The following KCNJ6 variants were observed in gnomAD, a reference collection of about 807,000 sequenced individuals.
The protein encoded by KCNJ6 is potassium inwardly rectifying channel subfamily J member 6, also known as G protein-activated inward rectifier potassium channel 2.
KCNJ6 carries 9 observed loss-of-function variants against 34.2 expected under a neutral mutation model. The observed-to-expected ratio is 0.26, with a 90% confidence interval of 0.16 to 0.46. The LOEUF (loss-of-function observed/expected upper bound fraction) is 0.46, where lower values mean the gene tolerates loss of function less well. Ranked by LOEUF, KCNJ6 falls within the 20% of genes least tolerant of loss-of-function variation. KCNJ6 has a pLI of 1.00. For synonymous variants in KCNJ6, 196 were observed against 207.1 expected, an observed-to-expected ratio of 0.95 and a Z score of 0.46; for missense variants, 236 against 531.3, an observed-to-expected ratio of 0.44 and a Z score of 5.46.
At chr21:37,830,627 G>T (rs149144024) in intron 2 of KCNJ6, among the ~76,000 whole-genome samples, 1 of 152,328 alleles carries the variant, frequency 6.6e-6, no homozygotes, top group East Asian at 1.9e-4. Flanking sequence ...CCCAGTGCCA[G>T]AGAGAAGGTG....
intron 3 of KCNJ6, among the ~76,000 whole-genome samples, chr21:37,671,311 C>A (rs2123408169): frequency 6.6e-6 from 1 of 152,282 alleles, no homozygotes; most frequent in Non-Finnish European, 1.5e-5. Context: ...CATAGAAAAG[C>A]AAAAGGACTG....
rs902083825 is a variant in KCNJ6 at position 37,625,231 on chromosome 21, T to C, written c.1200A>G (p.Glu400=). Residue 400 remains glutamate (E), a synonymous_variant, in exon 4 of 4, where the codon GAA becomes GAG. Coordinates refer to ENST00000609713, the MANE Select transcript of KCNJ6 (RefSeq NM_002240.5). ...NQHAELETEE[E]EKNLEEQTER... ...CTGTTTGCTCTTCGAGGTTCTTTTC[T>C]TCCTCTTCAGTCTCCAGTTCTGCAT... 3 of 1,614,130 alleles carry C rather than the reference T, an allele frequency of 1.9e-6. No homozygotes were observed. The African/African-American group carries it at 4.0e-5, about 22-fold the overall frequency.
At chr21:37,795,011 C>T (rs933129154) in intron 2 of KCNJ6, among the ~76,000 whole-genome samples, 17 of 152,134 alleles carry the variant, frequency 1.1e-4, no homozygotes, top group Non-Finnish European at 1.8e-4. Context: ...AACTCCACTT[C>T]CCTAGCTCTT....
intron 3 of KCNJ6, among the ~76,000 whole-genome samples, chr21:37,662,279 G>A (rs779433694): frequency 6.6e-5 from 10 of 152,070 alleles, no homozygotes; most frequent in Non-Finnish European, 1.2e-4. Flanking sequence ...ACAGGCCTGA[G>A]TGTGTGTTGT....
intron 3 of KCNJ6, among the ~76,000 whole-genome samples, chr21:37,693,732 A>C (rs1488462793): frequency 6.6e-6 from 1 of 152,226 alleles, no homozygotes; most frequent in Non-Finnish European, 1.5e-5. Flanking sequence ...CTAATAGATT[A>C]AATGGTAACA....
At chr21:37,710,780 G>A (rs775799413) in intron 3 of KCNJ6, among the ~76,000 whole-genome samples, 18 of 152,156 alleles carry the variant, frequency 1.2e-4, no homozygotes, top group Non-Finnish European at 2.1e-4. Flanking sequence ...GTTTGTTTAC[G>A]TAGCTATGAA....
At chr21:37,688,414 GT>G (rs547490782) in intron 3 of KCNJ6, among the ~76,000 whole-genome samples, 30 of 150,400 alleles carry the variant, frequency 2.0e-4, no homozygotes, top group African/African-American at 5.1e-4. Flanking sequence ...TCTATGCTAT[GT>G]TTTTTTTTAT....
chr21:37,864,027 G>A (rs1329111611), intron 1 of KCNJ6, among the ~76,000 whole-genome samples: 2 of 151,854 alleles, frequency 1.3e-5, no homozygotes, highest in African/African-American at 2.4e-5. Context: ...GGGTTGTGGG[G>A]CTTGAGGCCG....
chr21:37,806,935 A>G (rs550574721), intron 2 of KCNJ6, among the ~76,000 whole-genome samples: 1 of 152,312 alleles, frequency 6.6e-6, no homozygotes, highest in Non-Finnish European at 1.5e-5. Context: ...ATTCTTACAG[A>G]TTATATTGTT....
At chr21:37,754,433 C>T (rs2055013288) in intron 2 of KCNJ6, among the ~76,000 whole-genome samples, 1 of 152,206 alleles carries the variant, frequency 6.6e-6, no homozygotes, top group Non-Finnish European at 1.5e-5. Flanking sequence ...AGCTTGAAGC[C>T]TGTGGTATGA....
intron 3 of KCNJ6, among the ~76,000 whole-genome samples, chr21:37,674,896 GAATGAAT>G (rs2062689530): frequency 6.6e-6 from 1 of 152,174 alleles, no homozygotes; most frequent in African/African-American, 2.4e-5. Flanking sequence ...ATAAATGAAT[GAATGAAT>G]AATGAATGAA....
At chr21:37,816,857 C>T (rs139662543) in intron 2 of KCNJ6, among the ~76,000 whole-genome samples, 41 of 152,254 alleles carry the variant, frequency 2.7e-4, no homozygotes, top group African/African-American at 7.9e-4. Context: ...GCAAGCCCCC[C>T]GTCCCCTATC....
Position 37,619,100 on chromosome 21 carries a change from A to G in KCNJ6, c.*6059T>C, listed in dbSNP as rs1048101588. On this transcript the variant is annotated 3_prime_UTR_variant, in exon 4 of 4. Transcript: ENST00000609713. ...CCATCCTTTATCTGTCGACAATATA[A>G]CAACATCACAATGATTTGTTACATT... 4 of 152,226 alleles carry G rather than the reference A, an allele frequency of 2.6e-5. No individual in the cohort carries two copies. Among genetic ancestry groups the G allele is most frequent in the African/African-American group, 9.6e-5 (4 of 41,454 alleles). 9.4% of individuals were successfully genotyped at this position (152,226 alleles called of 1,614,324 possible). A position where few individuals can be genotyped will look rare whatever the true frequency, so the allele number is the denominator to read the frequency against.
rs1032903449 is a variant in KCNJ6, at chr21:37,832,640, C to T, written c.25+8018G>A. On this transcript the variant is annotated intron_variant, in intron 2 of 3. Coordinates refer to ENST00000609713, the MANE Select transcript of KCNJ6 (RefSeq NM_002240.5). ...TCTGACGGTCAACTCAGGTTTTCCC[C>T]GTGCCCATCCTGGTCTGTCTGTCCT... is the stretch of plus-strand genomic sequence containing the variant. 2.7e-4 allele frequency among the ~76,000 whole-genome samples: 41 copies of T among 152,238 alleles called. 2 individuals are homozygous for T. Among genetic ancestry groups the T allele is most frequent in the East Asian group, 5.8e-4 (3 of 5,178 alleles).
intron 2 of KCNJ6, among the ~76,000 whole-genome samples, chr21:37,827,480 C>G (rs1416496605): frequency 6.6e-6 from 1 of 151,722 alleles, no homozygotes; most frequent in African/African-American, 2.4e-5. Flanking sequence ...TTTTTAGTAC[C>G]TAATGGAAAT....
intron 2 of KCNJ6, among the ~76,000 whole-genome samples, chr21:37,770,964 G>A (rs1335060442): frequency 6.6e-6 from 1 of 152,130 alleles, no homozygotes; most frequent in Non-Finnish European, 1.5e-5. Flanking sequence ...AATGTCAAAG[G>A]ATAAGCAGAA....
intron 1 of KCNJ6, among the ~76,000 whole-genome samples, chr21:37,875,398 TC>T (rs2055672973): frequency 6.6e-6 from 1 of 151,986 alleles, no homozygotes; most frequent in Non-Finnish European, 1.5e-5. Flanking sequence ...TGCTTCCTCC[TC>T]CCCCTTCTTC....
intron 2 of KCNJ6, among the ~76,000 whole-genome samples, chr21:37,725,127 T>A (rs968749627): frequency 6.6e-6 from 1 of 151,530 alleles, no homozygotes; most frequent in Non-Finnish European, 1.5e-5. Flanking sequence ...CAGAAAAAAA[T>A]GGTCAAAGGA....
chr21:37,691,613 G>A (rs139569688), intron 3 of KCNJ6, among the ~76,000 whole-genome samples: 469 of 152,300 alleles, frequency 3.1e-3, no homozygotes, highest in African/African-American at 0.011. Context: ...TGGTTTCCAG[G>A]AACATCTTCA....
Sources: allele counts gnomAD v4.1 joint callset (sites outside exome capture counted in the v4.1 genomes callset), GRCh38; gene constraint gnomAD v4.1.1; transcripts MANE v1.5; gene names NCBI Gene and HGNC (gene_info 2026-07-23, HGNC 2026-07-21).